PTH2R: variants seen among roughly 807,000 people sequenced by gnomAD.
The protein encoded by PTH2R is parathyroid hormone 2 receptor.
A neutral mutation model predicts 60.3 loss-of-function variants in PTH2R; 59 were observed. The ratio of observed to expected loss-of-function variants is 0.98; its 90% CI spans 0.79 to 1.22. PTH2R has a LOEUF of 1.22. Among genes scored for constraint, PTH2R ranks in the 50% most tolerant of loss-of-function variants. The pLI, the probability that PTH2R is intolerant of heterozygous loss-of-function variation, is 0.00. For synonymous variants in PTH2R, 256 were observed against 243.8 expected, an observed-to-expected ratio of 1.05 and a Z score of -0.47; for missense variants, 749 against 682.6, an observed-to-expected ratio of 1.10 and a Z score of -1.08.
chr2:208,389,811 G>GT (rs1701073403), intron 1 of PTH2R, among the ~76,000 whole-genome samples: 1 of 151,856 alleles, frequency 6.6e-6, no homozygotes, highest in Non-Finnish European at 1.5e-5. Context: ...TTTTGCGGGG[G>GT]TGGGGGGGTT....
upstream of PTH2R, among the ~76,000 whole-genome samples, chr2:208,404,520 C>A (rs1701365644): frequency 6.6e-6 from 1 of 152,056 alleles, no homozygotes; most frequent in Non-Finnish European, 1.5e-5. Flanking sequence ...AAGTATTTTG[C>A]AAATACCAAG....
At chr2:208,381,582 C>T (rs1346244952) in intron 1 of PTH2R, among the ~76,000 whole-genome samples, 1 of 152,016 alleles carries the variant, frequency 6.6e-6, no homozygotes, top group African/African-American at 2.4e-5. Flanking sequence ...GCCATGGTGT[C>T]CAGCATGACT....
chr2:208,379,077 A>C, intron 1 of PTH2R, among the ~76,000 whole-genome samples: 1 of 152,174 alleles, frequency 6.6e-6, no homozygotes, highest in African/African-American at 2.4e-5. Flanking sequence ...CACATCATAC[A>C]GTTTCTTGGG....
intron 8 of PTH2R, among the ~76,000 whole-genome samples, chr2:208,457,655 A>G (rs1312104332): frequency 6.6e-6 from 1 of 152,228 alleles, no homozygotes. Context: ...AGCATACACA[A>G]TATGGTAATA....
intron 8 of PTH2R, among the ~76,000 whole-genome samples, chr2:208,455,135 A>G (rs1702484770): frequency 6.6e-6 from 1 of 152,214 alleles, no homozygotes; most frequent in Non-Finnish European, 1.5e-5. Flanking sequence ...TCTAATTGAC[A>G]TCATTATTGC....
At chr2:208,486,356 G>T (rs1223781141) in intron 10 of PTH2R, among the ~76,000 whole-genome samples, 1 of 152,190 alleles carries the variant, frequency 6.6e-6, no homozygotes, top group African/African-American at 2.4e-5. Flanking sequence ...TGAGCCTGGA[G>T]GATACCCACT....
At chr2:208,471,379 A>C (rs537052689) in intron 9 of PTH2R, among the ~76,000 whole-genome samples, 1 of 152,310 alleles carries the variant, frequency 6.6e-6, no homozygotes, top group African/African-American at 2.4e-5. Flanking sequence ...GGCTAGGCCC[A>C]AGGTCCCTGT....
At position 208,378,045 on chromosome 2, in the gene PTH2R, T is replaced by G. The variant is rs1269434675; in HGVS notation, c.-259+17808T>G. Among the ~76,000 whole-genome samples the G allele has an allele frequency of 5.9e-5, 9 of 151,924 alleles. 1 individual carries two copies. The highest frequency in any genetic ancestry group is 2.2e-4 in the African/African-American group (9 of 41,330). On this transcript the variant is annotated intron_variant, in intron 1 of 12. Transcript: ENST00000617735. ...GCTGCTGGGAGGTGGAGGTTGTAGCTAGCCGAGATCACGCCACTGCACTCC... is the reference window on the plus strand; with the variant it reads ...GCTGCTGGGAGGTGGAGGTTGTAGCGAGCCGAGATCACGCCACTGCACTCC...
chr2:208,470,392 C>A (rs1430183519), intron 9 of PTH2R, among the ~76,000 whole-genome samples: 2 of 152,132 alleles, frequency 1.3e-5, no homozygotes, highest in East Asian at 3.9e-4. Flanking sequence ...TTGGCTGTGT[C>A]CCCATCCAGA....
intron 1 of PTH2R, among the ~76,000 whole-genome samples, chr2:208,362,512 A>G (rs934097915): frequency 2.0e-5 from 3 of 152,230 alleles, no homozygotes; most frequent in African/African-American, 7.2e-5. Flanking sequence ...CATGATATCT[A>G]TATAGATATA....
rs143822430 is a variant in PTH2R, at chr2:208,391,432, G to A, written c.-259+31195G>A. Among the ~76,000 whole-genome samples, 397 of 152,254 alleles carry A rather than the reference G, an allele frequency of 2.6e-3. 1 individual carries two copies. Among genetic ancestry groups the A allele is most frequent in the African/African-American group, 8.7e-3 (363 of 41,552 alleles). Reference sequence around the variant, plus strand: ...CCCACTGGCTGTTGAGCTGGTCCTTGGGCCTGTGTTAAAACTTCCAGGGCC... The same window carrying A: ...CCCACTGGCTGTTGAGCTGGTCCTTAGGCCTGTGTTAAAACTTCCAGGGCC... On this transcript the variant is annotated intron_variant, in intron 1 of 12. Transcript: ENST00000617735.
chr2:208,381,737 A>G (rs1700918604), intron 1 of PTH2R, among the ~76,000 whole-genome samples: 1 of 152,112 alleles, frequency 6.6e-6, no homozygotes, highest in African/African-American at 2.4e-5. Flanking sequence ...CCCTTGTACA[A>G]TCAATACCCT....
At chr2:208,478,809 G>C (rs1703079606) in intron 9 of PTH2R, among the ~76,000 whole-genome samples, 1 of 152,134 alleles carries the variant, frequency 6.6e-6, no homozygotes, top group African/African-American at 2.4e-5. Flanking sequence ...CCTGCCGCTT[G>C]CTAGCTGTGT....
chr2:208,417,638 C>T (rs1478070145), intron 1 of PTH2R, among the ~76,000 whole-genome samples: 1 of 147,064 alleles, frequency 6.8e-6, no homozygotes, highest in Admixed American at 7.0e-5. Context: ...CTGCAACCTC[C>T]TCCCGGATTA....
At chr2:208,416,689 A>T (rs1701648008) in intron 1 of PTH2R, among the ~76,000 whole-genome samples, 2 of 152,232 alleles carry the variant, frequency 1.3e-5, no homozygotes, top group African/African-American at 4.8e-5. Context: ...CATTTGAGTC[A>T]GTGGGCTGGG....
At chr2:208,382,446 T>C (rs189395173) in intron 1 of PTH2R, among the ~76,000 whole-genome samples, 1 of 152,332 alleles carries the variant, frequency 6.6e-6, no homozygotes, top group Non-Finnish European at 1.5e-5. Context: ...GGAAAAACAC[T>C]AGCAATTTTG....
chr2:208,391,288 G>T (rs201360012), intron 1 of PTH2R, among the ~76,000 whole-genome samples: 1 of 152,194 alleles, frequency 6.6e-6, no homozygotes. Flanking sequence ...CATCTTAAAA[G>T]GGCTAAGACC....
chr2:208,447,461 G>A (rs867928872), intron 7 of PTH2R, among the ~76,000 whole-genome samples: 1 of 151,724 alleles, frequency 6.6e-6, no homozygotes, highest in Non-Finnish European at 1.5e-5. Flanking sequence ...GCTGGCAGGC[G>A]CCTGTAGTCC....
At chr2:208,400,666 A>G (rs566960532) in intron 1 of PTH2R, among the ~76,000 whole-genome samples, 22 of 152,362 alleles carry the variant, frequency 1.4e-4, no homozygotes, top group African/African-American at 4.8e-4. Context: ...CATTTTAGAC[A>G]TGGATGAATC....
Sources: gnomAD v4.1 joint callset for allele counts (sites outside exome capture counted in the v4.1 genomes callset) on GRCh38, gnomAD v4.1.1 for gene constraint, MANE v1.5 for transcripts, NCBI Gene and HGNC (gene_info 2026-07-23, HGNC 2026-07-21) for gene names.